NCKAP5: variants seen among roughly 807,000 people sequenced by gnomAD.
NCKAP5 encodes the protein nck-associated protein 5.
NCKAP5 carries 92 observed loss-of-function variants against 167.0 expected under a neutral mutation model. That is an observed-to-expected ratio of 0.55 (90% CI 0.47 to 0.66). The LOEUF (loss-of-function observed/expected upper bound fraction) is 0.66, where lower values mean the gene tolerates loss of function less well. Among genes scored for constraint, NCKAP5 ranks in the 30% least tolerant of loss-of-function variants. NCKAP5 has a pLI of 0.00. For synonymous variants in NCKAP5, 891 were observed against 877.4 expected, an observed-to-expected ratio of 1.02 and a Z score of -0.27; for missense variants, 2,378 against 2,315.0, an observed-to-expected ratio of 1.03 and a Z score of -0.56.
chr2:132,878,021 A>C (rs1691418932), intron 9 of NCKAP5, among the ~76,000 whole-genome samples: 2 of 152,238 alleles, frequency 1.3e-5, no homozygotes, highest in Non-Finnish European at 2.9e-5. Flanking sequence ...AAGTGATTTC[A>C]TTTAAATAAC....
chr2:133,508,508 A>T (rs1683216886), intron 3 of NCKAP5, among the ~76,000 whole-genome samples: 1 of 152,240 alleles, frequency 6.6e-6, no homozygotes, highest in African/African-American at 2.4e-5. Flanking sequence ...CACTCATTTC[A>T]CTGTGTTTCA....
At chr2:132,920,800 T>C (rs185348900) in intron 8 of NCKAP5, among the ~76,000 whole-genome samples, 8,550 of 93,876 alleles carry the variant, frequency 0.091, 1,612 homozygotes, top group East Asian at 0.26. Flanking sequence ...TATATATATA[T>C]ATATATATAT....
In NCKAP5 at chr2:133,394,329, G is replaced by A. The variant is rs145908510; in HGVS notation, c.70-91219C>T. ...AGATTGGGAGTATGGTAGGCCAAAT[G>A]CATGGAAGCATCTAGCGAGTCCCCT... is the stretch of plus-strand genomic sequence containing the variant. On this transcript the variant is annotated intron_variant, in intron 3 of 19. Coordinates refer to ENST00000409261, the MANE Select transcript of NCKAP5 (RefSeq NM_207363.3). 2.6e-3 allele frequency among the ~76,000 whole-genome samples: 396 copies of A among 152,280 alleles called. 2 individuals are homozygous for A. Among genetic ancestry groups the A allele is most frequent in the African/African-American group, 9.2e-3 (381 of 41,546 alleles).
chr2:132,794,300 AGAGAGAGGGT>A (rs1483703998), intron 12 of NCKAP5, among the ~76,000 whole-genome samples: 25 of 119,476 alleles, frequency 2.1e-4, no homozygotes, highest in African/African-American at 7.6e-4. Context: ...AGAGAGAGAG[AGAGAGAGGGT>A]GGCGGGAAGA....
At chr2:133,032,624 A>C (rs2078915682) in intron 6 of NCKAP5, among the ~76,000 whole-genome samples, 1 of 152,172 alleles carries the variant, frequency 6.6e-6, no homozygotes, top group South Asian at 2.1e-4. Flanking sequence ...AGATACAGGA[A>C]GTAGCCAGGG....
intron 1 of NCKAP5, among the ~76,000 whole-genome samples, chr2:133,567,704 G>T (rs1412813109): frequency 7.3e-4 from 62 of 84,844 alleles, no homozygotes; most frequent in Admixed American, 1.5e-3. Context: ...TGTGTGTTTG[G>T]GGAGAGAGTG....
At chr2:133,546,119 C>T (rs1686648402) in intron 2 of NCKAP5, among the ~76,000 whole-genome samples, 1 of 151,238 alleles carries the variant, frequency 6.6e-6, no homozygotes, top group Non-Finnish European at 1.5e-5. Flanking sequence ...TGTACGCACA[C>T]ACAAACACAC....
At chr2:133,226,638 CACAG>C (rs922771206) in intron 4 of NCKAP5, among the ~76,000 whole-genome samples, 34 of 151,622 alleles carry the variant, frequency 2.2e-4, no homozygotes, top group African/African-American at 7.5e-4. Flanking sequence ...CACACACACA[CACAG>C]GAAGAACACC....
chr2:133,663,952 A>G, the NCKAP5 span, among the ~76,000 whole-genome samples: 10 of 152,322 alleles, frequency 6.6e-5, no homozygotes, highest in East Asian at 9.7e-4. Flanking sequence ...CAGGATCTGT[A>G]AGACTGTCAA....
Position 132,790,210 on chromosome 2 carries a change from A to G in NCKAP5, c.910-5T>C. ...TTTTGTATTTAGTTGGTGTTCCTGA[A>G]AAAGCAGGACAGCTCTGAGCAAGGG... On this transcript the variant is annotated splice_region_variant and splice_polypyrimidine_tract_variant and intron_variant, in intron 12 of 19. Coordinates refer to ENST00000409261, the MANE Select transcript of NCKAP5 (RefSeq NM_207363.3). The G allele has an allele frequency of 6.2e-7, 1 of 1,609,556 alleles. No individual in the cohort carries two copies. Among genetic ancestry groups the G allele is most frequent in the Non-Finnish European group, 8.5e-7 (1 of 1,177,884 alleles).
intron 4 of NCKAP5, among the ~76,000 whole-genome samples, chr2:133,248,724 T>C (rs1328267694): frequency 1.3e-5 from 2 of 152,178 alleles, no homozygotes; most frequent in Non-Finnish European, 2.9e-5. Context: ...GGATAATTCA[T>C]GGTTTTACAG....
chr2:132,741,051 T>A (rs1038482961), intron 16 of NCKAP5, among the ~76,000 whole-genome samples: 3 of 152,160 alleles, frequency 2.0e-5, no homozygotes, highest in Admixed American at 2.0e-4. Context: ...TAGAAATGTA[T>A]TCCAAATGCC....
At chr2:133,533,090 C>T (rs193295499) in intron 2 of NCKAP5, among the ~76,000 whole-genome samples, 113 of 152,258 alleles carry the variant, frequency 7.4e-4, no homozygotes, top group African/African-American at 2.4e-3. Flanking sequence ...AAAGAAGTAC[C>T]TTATGGGGAA....
intron 3 of NCKAP5, among the ~76,000 whole-genome samples, chr2:133,384,514 G>C (rs1686781468): frequency 6.6e-6 from 1 of 152,146 alleles, no homozygotes; most frequent in African/African-American, 2.4e-5. Flanking sequence ...TGTTCTTCTG[G>C]CTTAGGACTG....
intron 2 of NCKAP5, among the ~76,000 whole-genome samples, chr2:133,534,813 CAT>C (rs1355383918): frequency 6.6e-6 from 1 of 152,086 alleles, no homozygotes; most frequent in Non-Finnish European, 1.5e-5. Context: ...TTTATATGGA[CAT>C]ATGTTTTCTT....
intron 11 of NCKAP5, among the ~76,000 whole-genome samples, chr2:132,850,192 T>G (rs1206627890): frequency 6.6e-6 from 1 of 152,242 alleles, no homozygotes; most frequent in East Asian, 1.9e-4. Flanking sequence ...ATATCTATTA[T>G]GCCCACAACA....
chr2:133,665,792 G>C, the NCKAP5 span, among the ~76,000 whole-genome samples: 2 of 152,132 alleles, frequency 1.3e-5, no homozygotes, highest in Admixed American at 6.5e-5. Flanking sequence ...GGTAAAAACT[G>C]TTAACATTCA....
At chr2:133,097,664 GC>G (rs1179743414) in intron 6 of NCKAP5, among the ~76,000 whole-genome samples, 5 of 152,152 alleles carry the variant, frequency 3.3e-5, no homozygotes, top group Non-Finnish European at 5.9e-5. Flanking sequence ...ACTAAAGGAG[GC>G]TAAAGACACA....
the NCKAP5 span, among the ~76,000 whole-genome samples, chr2:133,651,080 A>G: frequency 6.6e-6 from 1 of 152,192 alleles, no homozygotes; most frequent in Non-Finnish European, 1.5e-5. Context: ...AAACTCCTAG[A>G]TGAAAACATA....
Sources: gnomAD v4.1 joint callset for allele counts (sites outside exome capture counted in the v4.1 genomes callset) on GRCh38, gnomAD v4.1.1 for gene constraint, MANE v1.5 for transcripts, NCBI Gene and HGNC (gene_info 2026-07-23, HGNC 2026-07-21) for gene names.